Variants in EPHA6 observed in about 807,000 individuals in gnomAD.
EPHA6 encodes ephrin type-A receptor 6.
EPHA6 carries 50 observed loss-of-function variants against 112.0 expected under a neutral mutation model. The observed-to-expected ratio is 0.45, with a 90% confidence interval of 0.36 to 0.56. The LOEUF (loss-of-function observed/expected upper bound fraction) is 0.56. Ranked by LOEUF, EPHA6 falls within the 20% of genes least tolerant of loss-of-function variation. The pLI, the probability that EPHA6 is intolerant of heterozygous loss-of-function variation, is 0.00. For synonymous variants in EPHA6, 529 were observed against 490.7 expected, an observed-to-expected ratio of 1.08 and a Z score of -1.03; for missense variants, 1,280 against 1,417.4, an observed-to-expected ratio of 0.90 and a Z score of 1.56.
At chr3:97,395,044 AT>A (rs2086620957) in intron 5 of EPHA6, among the ~76,000 whole-genome samples, 1 of 151,680 alleles carries the variant, frequency 6.6e-6, no homozygotes, top group Non-Finnish European at 1.5e-5. Flanking sequence ...GGGAATTAAG[AT>A]GTGATATTTC....
At chr3:96,924,957 T>G (rs776099454) in intron 2 of EPHA6, among the ~76,000 whole-genome samples, 33 of 152,180 alleles carry the variant, frequency 2.2e-4, no homozygotes, top group Non-Finnish European at 3.8e-4. Context: ...CTTTACTGAT[T>G]TGCATATGTT....
At chr3:96,895,527 G>A (rs1296518560) in intron 2 of EPHA6, among the ~76,000 whole-genome samples, 1 of 152,084 alleles carries the variant, frequency 6.6e-6, no homozygotes, top group Admixed American at 6.6e-5. Context: ...TACCTTACAG[G>A]AATGTCTTAG....
chr3:97,617,663 C>T (rs1302229232), intron 13 of EPHA6, among the ~76,000 whole-genome samples: 1 of 151,998 alleles, frequency 6.6e-6, no homozygotes, highest in Admixed American at 6.6e-5. Flanking sequence ...TTTAAACCAA[C>T]AAAGATCAAA....
intron 4 of EPHA6, among the ~76,000 whole-genome samples, chr3:97,237,182 ATT>A (rs5851056): frequency 1.4e-5 from 2 of 144,550 alleles, no homozygotes; most frequent in African/African-American, 2.5e-5. Flanking sequence ...TTTGTTTTTG[ATT>A]TTTTTTTTTT....
chr3:97,706,715 G>T (rs2107751377), intron 14 of EPHA6, among the ~76,000 whole-genome samples: 1 of 150,614 alleles, frequency 6.6e-6, no homozygotes, highest in Admixed American at 6.6e-5. Context: ...CTACCTAAAA[G>T]ATTACCTCTA....
At position 96,987,342 on chromosome 3, in the gene EPHA6, A is replaced by T. The variant is rs768994397; in HGVS notation, c.463A>T (p.Thr155Ser). 8.8e-6 allele frequency: 14 copies of T among 1,594,390 alleles called. No homozygotes were observed. The highest frequency in any genetic ancestry group is 1.1e-5 in the Non-Finnish European group (13 of 1,165,148). The change falls in exon 3 of 18, where the codon ACT becomes TCT. Residue 155 changes from threonine (T) to serine (S), a missense_variant. By Grantham distance (58) the Thr-to-Ser change is moderately conservative. Transcript: ENST00000389672. ...TYPLNGWDAI[T>S]EMDEHNRPIH... ...TCCCTTTTTGCAGTGGGATGCCATC[A>T]CTGAAATGGATGAACATAATAGGCC... is the stretch of plus-strand genomic sequence containing the variant.
chr3:96,882,490 A>T (rs988529462), intron 2 of EPHA6, among the ~76,000 whole-genome samples: 3 of 151,996 alleles, frequency 2.0e-5, no homozygotes, highest in African/African-American at 7.2e-5. Context: ...GTAGTCTTTT[A>T]TCCCTTTCCC....
At chr3:97,275,398 G>C (rs1026909427) in intron 5 of EPHA6, among the ~76,000 whole-genome samples, 1 of 152,208 alleles carries the variant, frequency 6.6e-6, no homozygotes, top group Non-Finnish European at 1.5e-5. Flanking sequence ...GTCAGGGTCA[G>C]TCTAAGTGAA....
Position 97,442,482 on chromosome 3 carries a change from A to G in EPHA6, c.1732-6086A>G, listed in dbSNP as rs369766795. On this transcript the variant is annotated intron_variant, in intron 6 of 17. Transcript: ENST00000389672. ...GTGCCTGTAGTCACAGCTACTCGGG[A>G]GGCTGAGGCAGAAGAATCGCTTGAA... 8.5e-5 allele frequency among the ~76,000 whole-genome samples: 13 copies of G among 152,212 alleles called. No individual in the cohort carries two copies. The East Asian group carries it at 2.1e-3, about 25-fold the overall frequency.
chr3:96,944,683 C>G (rs1165936652), intron 2 of EPHA6, among the ~76,000 whole-genome samples: 3 of 152,152 alleles, frequency 2.0e-5, no homozygotes, highest in Non-Finnish European at 4.4e-5. Context: ...TCGATATTAC[C>G]TATCTTTCTA....
At chr3:96,948,877 A>T (rs1380752825) in intron 2 of EPHA6, among the ~76,000 whole-genome samples, 1 of 152,280 alleles carries the variant, frequency 6.6e-6, no homozygotes, top group Admixed American at 6.5e-5. Context: ...GGATTGCTTG[A>T]ACTGAGATTG....
chr3:97,363,247 A>G (rs1403852), intron 5 of EPHA6, among the ~76,000 whole-genome samples: 92,348 of 96,354 alleles, frequency 0.96, 44,176 homozygotes, highest in East Asian at 0.99. Flanking sequence ...TAAATCTCAG[A>G]TGCTACAAAA....
intron 7 of EPHA6, among the ~76,000 whole-genome samples, chr3:97,450,455 T>C (rs1473858716): frequency 1.3e-5 from 2 of 152,098 alleles, no homozygotes; most frequent in Non-Finnish European, 2.9e-5. Context: ...TATTGCATTT[T>C]TAAGTGAGAA....
At chr3:97,440,886 A>G (rs929886928) in intron 6 of EPHA6, among the ~76,000 whole-genome samples, 1 of 151,796 alleles carries the variant, frequency 6.6e-6, no homozygotes, top group African/African-American at 2.4e-5. Context: ...ATAAGACAAG[A>G]CTAGATGTAA....
intron 3 of EPHA6, among the ~76,000 whole-genome samples, chr3:97,142,824 A>T (rs1312124353): frequency 6.6e-6 from 1 of 151,950 alleles, no homozygotes; most frequent in South Asian, 2.1e-4. Flanking sequence ...CATTGAAGGA[A>T]TAGCCTTCAA....
rs753895562 is a variant in EPHA6, at chr3:96,994,798, G to GTATATA, written c.1114+6814_1114+6819dup. Among the ~76,000 whole-genome samples, 3 of 136,564 alleles carry GTATATA rather than the reference G, an allele frequency of 2.2e-5. 1 individual carries two copies. The highest frequency in any genetic ancestry group is 7.4e-3 in the Middle Eastern group (2 of 272). 89.6% of individuals were successfully genotyped at this position (136,564 alleles called of 152,430 possible). On this transcript the variant is annotated intron_variant, in intron 3 of 17. Coordinates refer to ENST00000389672, the MANE Select transcript of EPHA6 (RefSeq NM_001080448.3). The stretch of plus-strand genomic sequence containing the variant: ...ACCTACAGGCTGAGAATATGTGTGT[G>GTATATA]TATATATATATATAGAGAGAGAGAG...
At position 96,892,957 on chromosome 3, in the gene EPHA6, T is replaced by C. The variant is rs1322378312; in HGVS notation, c.450+26068T>C. ...ATTCCAACTTATATATATATATATG[T>C]GTGTGTGTGTGTGTGTGTGTGTGTT... On this transcript the variant is annotated intron_variant, in intron 2 of 17. Transcript: ENST00000389672. Among the ~76,000 whole-genome samples the C allele has an allele frequency of 2.4e-5, 3 of 123,832 alleles. No homozygotes were observed. The Admixed American group carries it at 3.3e-4, about 14-fold the overall frequency. 81.2% of individuals were successfully genotyped at this position (123,832 alleles called of 152,430 possible).
At chr3:96,997,342 T>TCTGGGG (rs1448476379) in intron 3 of EPHA6, among the ~76,000 whole-genome samples, 11 of 152,072 alleles carry the variant, frequency 7.2e-5, no homozygotes, top group Admixed American at 2.0e-4. Flanking sequence ...CTTGGCTAAC[T>TCTGGGG]CTGGGGCAAG....
intron 3 of EPHA6, among the ~76,000 whole-genome samples, chr3:97,092,555 CTGAG>C (rs2047106431): frequency 6.6e-6 from 1 of 151,982 alleles, no homozygotes; most frequent in Admixed American, 6.6e-5. Context: ...ATAAATCTGG[CTGAG>C]TGAATTAACT....
Sources: gnomAD v4.1 joint callset for allele counts (sites outside exome capture counted in the v4.1 genomes callset) on GRCh38, gnomAD v4.1.1 for gene constraint, MANE v1.5 for transcripts, NCBI Gene and HGNC (gene_info 2026-07-23, HGNC 2026-07-21) for gene names.